Variants in PARP6 observed in about 807,000 individuals in gnomAD.
PARP6 encodes poly(ADP-ribose) polymerase family member 6, also known as protein mono-ADP-ribosyltransferase PARP6.
PARP6 carries 27 observed loss-of-function variants against 92.0 expected under a neutral mutation model. The ratio of observed to expected loss-of-function variants is 0.29; its 90% CI spans 0.22 to 0.40. The LOEUF (loss-of-function observed/expected upper bound fraction) is 0.40. Among genes scored for constraint, PARP6 ranks in the 10% least tolerant of loss-of-function variants. PARP6 has a pLI of 1.00. For missense variants in PARP6, 501 were observed against 784.5 expected (o/e 0.64, Z 4.32); for synonymous variants, 272 against 281.2 (o/e 0.97, Z 0.33).
chr15:72,265,947 T>G lies in PARP6; in HGVS notation c.126A>C (p.Ala42=), dbSNP rs1257099463. 3.7e-6 allele frequency: 6 copies of G among 1,613,978 alleles called. No homozygotes were observed. The highest frequency in any genetic ancestry group is 5.1e-6 in the Non-Finnish European group (6 of 1,179,928). The stretch of plus-strand genomic sequence containing the variant: ...AGATCTCCTTCACGGCTTCAATGTC[T>G]GCATCAAGCTGTGGGTGTCGATACA... The part of the protein sequence containing the change: ...ADLYRHPQLD[A]DIEAVKEIYS... The change falls in exon 5 of 24, where the codon GCA becomes GCC. Residue 42 remains alanine (A), a synonymous_variant. Transcript: ENST00000569795.
intron 16 of PARP6, 148 bp from the exon 17 acceptor site, chr15:72,251,403 C>G: frequency 1.8e-6 from 1 of 556,178 alleles, no homozygotes. Context: ...AGGTCACTAT[C>G]TGGATATTCC....
intron 2 of PARP6, among the ~76,000 whole-genome samples, chr15:72,269,259 C>T (rs2141125844): frequency 6.6e-6 from 1 of 152,206 alleles, no homozygotes; most frequent in African/African-American, 2.4e-5. Flanking sequence ...CTCCCGGGTT[C>T]AAGCAATTCT....
At chr15:72,255,755 A>G (rs2140994508) in intron 14 of PARP6, among the ~76,000 whole-genome samples, 1 of 148,610 alleles carries the variant, frequency 6.7e-6, no homozygotes, top group Non-Finnish European at 1.5e-5. Flanking sequence ...GAAAACCCTA[A>G]AACAGTACTT....
chr15:72,264,954 C>T, intron 7 of PARP6, 127 bp downstream of exon 7: 3 of 657,554 alleles, frequency 4.6e-6, no homozygotes, highest in South Asian at 1.9e-5. Flanking sequence ...GACTAAAAAG[C>T]CCCTACCAAT....
intron 20 of PARP6, among the ~76,000 whole-genome samples, chr15:72,246,604 TTC>T (rs971532547): frequency 5.9e-5 from 9 of 152,230 alleles, no homozygotes; most frequent in African/African-American, 1.7e-4. Flanking sequence ...CTTTTGTTTT[TTC>T]TTTTTCCTTT....
At chr15:72,251,431 A>G in intron 16 of PARP6, 176 bp from the exon 17 acceptor site, 1 of 492,518 alleles carries the variant, frequency 2.0e-6, no homozygotes, top group Non-Finnish European at 3.6e-6. Flanking sequence ...GATAGTGCTT[A>G]TGAATAAAAA....
At chr15:72,270,245 TA>T (rs1395039653) in intron 2 of PARP6, among the ~76,000 whole-genome samples, 1 of 150,664 alleles carries the variant, frequency 6.6e-6, no homozygotes, top group Non-Finnish European at 1.5e-5. Flanking sequence ...GAGATTTGTT[TA>T]AAATACTACC....
At chr15:72,260,813 G>C (rs2085772626) in intron 9 of PARP6, 125 bp from the exon 10 acceptor site, 6 of 725,310 alleles carry the variant, frequency 8.3e-6, no homozygotes, top group Non-Finnish European at 1.5e-5. Context: ...TCATATCTGA[G>C]GAAAGTTGCA....
intron 11 of PARP6, among the ~76,000 whole-genome samples, chr15:72,258,902 G>A (rs1395023423): frequency 6.6e-6 from 1 of 152,174 alleles, no homozygotes; most frequent in Non-Finnish European, 1.5e-5. Flanking sequence ...CTCTGTGAAA[G>A]GTCTTCTTGA....
intron 20 of PARP6, among the ~76,000 whole-genome samples, chr15:72,248,534 T>G (rs1222182935): frequency 6.6e-6 from 1 of 152,206 alleles, no homozygotes; most frequent in Non-Finnish European, 1.5e-5. Context: ...TAATAATCTA[T>G]TAAGAATCTA....
chr15:72,250,979 T>G, intron 17 of PARP6, 25 bp from the exon 18 acceptor site: 1 of 1,543,352 alleles, frequency 6.5e-7, no homozygotes, highest in Non-Finnish European at 8.9e-7. Context: ...GGGGGTGGAA[T>G]CAGGAAAACA....
chr15:72,252,094 T>C (rs114101806), intron 16 of PARP6, among the ~76,000 whole-genome samples: 1,787 of 152,122 alleles, frequency 0.012, 34 homozygotes, highest in African/African-American at 0.041. Context: ...ACAATAGAAA[T>C]TGAGATCAGG....
rs778045178 is a variant in PARP6 at position 72,258,124 on chromosome 15, C to G, written c.819G>C (p.Lys273Asn). 6.2e-7 allele frequency: 1 copy of G among 1,609,654 alleles called. No homozygotes were observed. The highest frequency in any genetic ancestry group is 8.5e-7 in the Non-Finnish European group (1 of 1,175,844). ...LEYGFLVQIM[K>N]YAEQRIPTLN... is the part of the protein sequence containing the mutation. The stretch of plus-strand genomic sequence containing the variant: ...ATGTTGGAATCCTCTGTTCTGCATA[C>G]TTCATGATCTGAGAAAACAACAGAT... Residue 273 changes from lysine (K) to asparagine (N), a missense_variant, in exon 12 of 24, where the codon AAG (lysine) becomes AAC (asparagine). This residue lies in a region of PARP6 where 291 missense variants were observed against 352.0 expected (regional missense o/e 0.83). Transcript: ENST00000569795.
At chr15:72,264,772 G>A in intron 7 of PARP6, 151 bp from the exon 8 acceptor site, 1 of 636,550 alleles carries the variant, frequency 1.6e-6, no homozygotes, top group Non-Finnish European at 2.8e-6. Context: ...ATCTGAGGGA[G>A]AGGGCAGATT....
intron 16 of PARP6, among the ~76,000 whole-genome samples, 182 bp downstream of exon 16, chr15:72,253,255 G>A (rs969904374): frequency 2.6e-5 from 4 of 152,000 alleles, no homozygotes; most frequent in South Asian, 2.1e-4. Context: ...ATTTGTGGGC[G>A]TTTTGTAGGA....
intron 20 of PARP6, chr15:72,244,569 C>G (rs1353871174): frequency 6.6e-6 from 1 of 152,244 alleles, no homozygotes; most frequent in Non-Finnish European, 1.5e-5. Context: ...CACCAACCCT[C>G]ACTTCCAGAG....
At chr15:72,268,172 G>A (rs188552618) in intron 2 of PARP6, among the ~76,000 whole-genome samples, 2 of 152,290 alleles carry the variant, frequency 1.3e-5, no homozygotes, top group East Asian at 3.9e-4. Context: ...AGCACTATAT[G>A]CAAGATACTG....
chr15:72,256,869 T>C (rs184613380), intron 13 of PARP6, among the ~76,000 whole-genome samples: 117 of 152,216 alleles, frequency 7.7e-4, no homozygotes, highest in African/African-American at 2.6e-3. Flanking sequence ...AATATTTTCT[T>C]TTCTTTCTCT....
chr15:72,268,107 G>A (rs1281518830), intron 2 of PARP6, among the ~76,000 whole-genome samples: 1 of 152,158 alleles, frequency 6.6e-6, no homozygotes, highest in East Asian at 1.9e-4. Context: ...ACATGCTTGC[G>A]TGCATATACA....
Sources: gnomAD v4.1 joint callset for allele counts (sites outside exome capture counted in the v4.1 genomes callset) on GRCh38, gnomAD v4.1.1 for gene constraint, gnomAD v4.1.1 regional missense constraint, MANE v1.5 for transcripts, NCBI Gene and HGNC (gene_info 2026-07-23, HGNC 2026-07-21) for gene names.